Variants in TENM4 observed in about 807,000 individuals in gnomAD.
The protein encoded by TENM4 is teneurin transmembrane protein 4, also known as teneurin-4.
In TENM4, 82 loss-of-function variants were observed where a neutral mutation model predicts 243.3. The observed-to-expected ratio is 0.34, with a 90% confidence interval of 0.28 to 0.40. TENM4 has a LOEUF of 0.40. Among genes scored for constraint, TENM4 ranks in the 10% least tolerant of loss-of-function variants. TENM4 has a pLI of 1.00. For synonymous variants in TENM4, 1,412 were observed against 1,456.3 expected, an observed-to-expected ratio of 0.97 and a Z score of 0.69; for missense variants, 3,138 against 3,673.3, an observed-to-expected ratio of 0.85 and a Z score of 3.77.
intron 2 of TENM4, among the ~76,000 whole-genome samples, chr11:79,242,965 G>T (rs955364649): frequency 6.6e-6 from 1 of 152,188 alleles, no homozygotes; most frequent in African/African-American, 2.4e-5. Context: ...ACCCTGGGGA[G>T]GGAGATTGCC....
At chr11:79,137,159 C>G (rs555989389) in intron 4 of TENM4, among the ~76,000 whole-genome samples, 15 of 152,248 alleles carry the variant, frequency 9.9e-5, no homozygotes, top group African/African-American at 3.1e-4. Context: ...GGGAGGAGCA[C>G]TGCTATCAAA....
At chr11:78,672,628 A>G (rs542420328) in intron 30 of TENM4, among the ~76,000 whole-genome samples, 2 of 152,220 alleles carry the variant, frequency 1.3e-5, no homozygotes, top group Non-Finnish European at 2.9e-5. Context: ...ATGTTTTCTA[A>G]TGTGATTCTT....
At chr11:78,961,811 A>G (rs551767328) in intron 6 of TENM4, among the ~76,000 whole-genome samples, 4 of 149,878 alleles carry the variant, frequency 2.7e-5, no homozygotes, top group Admixed American at 2.0e-4. Flanking sequence ...GTCTGTGTCA[A>G]TCTTTGTCTC....
At chr11:79,187,089 G>T (rs1481439194) in intron 3 of TENM4, among the ~76,000 whole-genome samples, 2 of 152,076 alleles carry the variant, frequency 1.3e-5, no homozygotes, top group Admixed American at 6.5e-5. Context: ...TTCTTGTTCT[G>T]AATGTTAAAC....
intron 6 of TENM4, among the ~76,000 whole-genome samples, chr11:78,918,315 C>T (rs1332117782): frequency 6.6e-6 from 1 of 152,134 alleles, no homozygotes; most frequent in Admixed American, 6.5e-5. Flanking sequence ...AGAGTCAAGG[C>T]ACAAACGACG....
chr11:78,889,807 G>C lies in TENM4; in HGVS notation c.1062C>G (p.Val354=), dbSNP rs1855622110. Residue 354 remains valine, a synonymous_variant, in exon 9 of 34, where the codon GTC becomes GTG. Transcript: ENST00000278550. ...TACCCACAAAGTATGCCAGCAGGAT[G>C]ACCAGAGTGGCTGAGATGACGATGG... ...LSAIVISATL[V]ILLAYFVAMH... is the part of the protein sequence containing the mutation. 4 of 1,552,072 alleles carry C rather than the reference G, an allele frequency of 2.6e-6. No individual in the cohort carries two copies. In the East Asian group the frequency reaches 9.8e-5, roughly 38 times the overall value.
rs539136453 is a variant in TENM4, at chr11:78,738,410, G to A, written c.2876+41C>T. On this transcript the variant is annotated intron_variant, in intron 20 of 33. Transcript: ENST00000278550. ...GCAGCTATATGGCAAGACCACAAGA[G>A]CGGGACCTTCACTGTTTCTGGCTCA... 2.5e-6 allele frequency: 4 copies of A among 1,595,794 alleles called. No homozygotes were observed. The African/African-American group carries it at 4.0e-5, about 16-fold the overall frequency.
chr11:79,351,425 G>A (rs1475178471), intron 1 of TENM4, among the ~76,000 whole-genome samples: 1 of 152,132 alleles, frequency 6.6e-6, no homozygotes, highest in East Asian at 1.9e-4. Flanking sequence ...CTTTGTTGAG[G>A]CCAGGAACGT....
intron 1 of TENM4, among the ~76,000 whole-genome samples, chr11:79,298,700 C>T (rs1182909277): frequency 6.6e-6 from 1 of 152,030 alleles, no homozygotes; most frequent in Non-Finnish European, 1.5e-5. Flanking sequence ...ATTTCATGAT[C>T]CTTATAACCA....
chr11:78,862,453 C>T lies in TENM4; in HGVS notation c.1255+509G>A, dbSNP rs374066052. ...ATGATTATTGTTATTATTGCGGATG[C>T]GGAAACTGAAGCTCAGGCAAATAAG... On this transcript the variant is annotated intron_variant, in intron 10 of 33. Coordinates refer to ENST00000278550, the MANE Select transcript of TENM4 (RefSeq NM_001098816.3). Among the ~76,000 whole-genome samples the T allele has an allele frequency of 7.3e-4, 111 of 152,222 alleles. 1 individual carries two copies. The highest frequency in any genetic ancestry group is 6.7e-3 in the East Asian group (35 of 5,188).
chr11:79,279,850 C>T (rs911119930), intron 2 of TENM4, among the ~76,000 whole-genome samples: 2 of 152,164 alleles, frequency 1.3e-5, no homozygotes, highest in African/African-American at 4.8e-5. Context: ...AACTTGATCC[C>T]CAATGCAACA....
chr11:79,140,352 T>C (rs1320903467), intron 4 of TENM4, among the ~76,000 whole-genome samples: 2 of 152,136 alleles, frequency 1.3e-5, no homozygotes, highest in Non-Finnish European at 2.9e-5. Context: ...ATGCCCTTAC[T>C]TTGATGGTCT....
rs188165895 is a variant in TENM4 at position 78,736,960 on chromosome 11, G to A, written c.2876+1491C>T. Among the ~76,000 whole-genome samples, 560 of 152,296 alleles carry A rather than the reference G, an allele frequency of 3.7e-3. 7 individuals are homozygous for A. Among genetic ancestry groups the A allele is most frequent in the Non-Finnish European group, 2.6e-3 (176 of 68,020 alleles). ...AGGAAGCACAAACAGGAGGAATCAG[G>A]AAGTGTCAGAGACTGAGCTTTCCCC... On this transcript the variant is annotated intron_variant, in intron 20 of 33. Coordinates refer to ENST00000278550, the MANE Select transcript of TENM4 (RefSeq NM_001098816.3).
chr11:79,065,062 G>T, intron 5 of TENM4, 55 bp from the exon 6 acceptor site: 1 of 1,433,548 alleles, frequency 7.0e-7, no homozygotes, highest in Non-Finnish European at 9.2e-7. Context: ...GTCTGCGTCT[G>T]CCTCTGCCTG....
chr11:78,840,923 T>C (rs1002094081), intron 12 of TENM4, among the ~76,000 whole-genome samples: 2 of 152,140 alleles, frequency 1.3e-5, no homozygotes, highest in African/African-American at 4.8e-5. Context: ...TGTTTCATCA[T>C]CTCTATAAAG....
intron 1 of TENM4, among the ~76,000 whole-genome samples, chr11:79,393,560 C>G (rs1048845985): frequency 2.0e-5 from 3 of 152,218 alleles, no homozygotes; most frequent in African/African-American, 7.2e-5. Flanking sequence ...ACTGCGTCAG[C>G]CCTCTGGTCA....
intron 6 of TENM4, among the ~76,000 whole-genome samples, chr11:79,027,218 T>C (rs1416920490): frequency 6.6e-6 from 1 of 152,190 alleles, no homozygotes; most frequent in Non-Finnish European, 1.5e-5. Context: ...TTGTGGTTTG[T>C]GGCTTCCCTT....
chr11:78,793,879 T>G (rs1286840550), intron 15 of TENM4, among the ~76,000 whole-genome samples: 1 of 152,236 alleles, frequency 6.6e-6, no homozygotes, highest in Non-Finnish European at 1.5e-5. Context: ...AGACAATACC[T>G]CAGATGCCAT....
At chr11:78,727,230 C>G (rs998309663) in intron 22 of TENM4, among the ~76,000 whole-genome samples, 1 of 152,096 alleles carries the variant, frequency 6.6e-6, no homozygotes, top group Non-Finnish European at 1.5e-5. Flanking sequence ...GGGCGGATCA[C>G]GAGGTCAGGA....
Sources: allele counts gnomAD v4.1 joint callset (sites outside exome capture counted in the v4.1 genomes callset), GRCh38; gene constraint gnomAD v4.1.1; transcripts MANE v1.5; gene names NCBI Gene and HGNC (gene_info 2026-07-23, HGNC 2026-07-21).